TRIO: variants seen among roughly 807,000 people sequenced by gnomAD.
TRIO encodes triple functional domain protein.
In TRIO, 58 loss-of-function variants were observed where a neutral mutation model predicts 351.9. The observed-to-expected ratio is 0.16, with a 90% CI of 0.13 to 0.21. TRIO has a LOEUF of 0.21. TRIO is among the 10% of genes least tolerant of loss of function. TRIO has a pLI of 1.00. For missense variants in TRIO, 3,201 were observed against 4,027.8 expected, an observed-to-expected ratio of 0.79 and a Z score of 5.56; for synonymous variants, 1,758 against 1,595.7, an observed-to-expected ratio of 1.10 and a Z score of -2.42.
intron 21 of TRIO, among the ~76,000 whole-genome samples, chr5:14,383,792 G>T (rs1330595660): frequency 6.6e-6 from 1 of 152,150 alleles, no homozygotes; most frequent in Admixed American, 6.5e-5. Flanking sequence ...GATGTCCTTT[G>T]ATTTTTCATC....
chr5:14,422,006 A>G (rs1445606748), intron 34 of TRIO, among the ~76,000 whole-genome samples: 2 of 152,216 alleles, frequency 1.3e-5, no homozygotes, highest in Non-Finnish European at 2.9e-5. Flanking sequence ...ACGACTGGAA[A>G]GACATTGGCA....
intron 33 of TRIO, among the ~76,000 whole-genome samples, chr5:14,416,047 G>A (rs1026952300): frequency 2.6e-5 from 4 of 151,514 alleles, no homozygotes; most frequent in Non-Finnish European, 4.4e-5. Flanking sequence ...TAGAAGCAAC[G>A]AAGATACTGT....
At chr5:14,450,568 C>G (rs1161559968) in intron 34 of TRIO, among the ~76,000 whole-genome samples, 1 of 152,148 alleles carries the variant, frequency 6.6e-6, no homozygotes, top group Non-Finnish European at 1.5e-5. Flanking sequence ...GGGAATTTAA[C>G]TTTCTCCTTC....
At chr5:14,255,775 C>G (rs781446770) in intron 1 of TRIO, among the ~76,000 whole-genome samples, 4 of 152,194 alleles carry the variant, frequency 2.6e-5, no homozygotes, top group Non-Finnish European at 5.9e-5. Flanking sequence ...TTGATTGAGA[C>G]CTGTCACATT....
intron 1 of TRIO, among the ~76,000 whole-genome samples, chr5:14,182,747 C>A (rs1231736367): frequency 6.6e-6 from 1 of 152,156 alleles, no homozygotes. Context: ...CCCTTAATTT[C>A]TCCTGACAGG....
At chr5:14,397,394 A>G (rs1401419033) in intron 29 of TRIO, 5 of 417,662 alleles carry the variant, frequency 1.2e-5, no homozygotes, top group Non-Finnish European at 2.2e-5. Flanking sequence ...CTGGACTCCA[A>G]TAGCACTTTG....
At chr5:14,365,848 A>G (rs1744549255) in intron 15 of TRIO, among the ~76,000 whole-genome samples, 1 of 152,148 alleles carries the variant, frequency 6.6e-6, no homozygotes, top group Non-Finnish European at 1.5e-5. Flanking sequence ...TGGCTGTTGT[A>G]GCTCCAGCCA....
intron 1 of TRIO, among the ~76,000 whole-genome samples, chr5:14,154,852 T>C (rs1007518641): frequency 6.6e-6 from 1 of 152,200 alleles, no homozygotes; most frequent in African/African-American, 2.4e-5. Context: ...TTCCTCCTAG[T>C]TTGCCCTAGG....
intron 1 of TRIO, among the ~76,000 whole-genome samples, chr5:14,258,108 C>T (rs548145493): frequency 5.3e-5 from 8 of 152,324 alleles, no homozygotes; most frequent in African/African-American, 1.2e-4. Context: ...CACAAAATTT[C>T]GTTTTGAGTT....
intron 33 of TRIO, among the ~76,000 whole-genome samples, chr5:14,409,164 C>A (rs1446611967): frequency 1.7e-4 from 26 of 152,146 alleles, no homozygotes. Flanking sequence ...CCCAGCACAG[C>A]CCTGGCCCCT....
chr5:14,232,451 C>T (rs1793500413), intron 1 of TRIO, among the ~76,000 whole-genome samples: 1 of 152,182 alleles, frequency 6.6e-6, no homozygotes, highest in Admixed American at 6.5e-5. Context: ...CTATAACGCT[C>T]AGCTTTATAC....
At chr5:14,490,058 C>G (rs573476763) in intron 48 of TRIO, among the ~76,000 whole-genome samples, 2 of 152,316 alleles carry the variant, frequency 1.3e-5, no homozygotes, top group African/African-American at 4.8e-5. Context: ...ACGGGCAGAT[C>G]ACAAGGTCAG....
chr5:14,156,522 G>T (rs981214785), intron 1 of TRIO, among the ~76,000 whole-genome samples: 2 of 152,108 alleles, frequency 1.3e-5, no homozygotes, highest in African/African-American at 4.8e-5. Flanking sequence ...CATATGTTTA[G>T]ACTCAGTGTG....
chr5:14,304,430 G>A (rs780607003), intron 7 of TRIO, 31 bp from the exon 8 acceptor site: 18 of 1,587,452 alleles, frequency 1.1e-5, no homozygotes, highest in Non-Finnish European at 1.5e-5. Flanking sequence ...AATTGTCATT[G>A]ATAGAAATAA....
At chr5:14,215,305 C>T (rs544629401) in intron 1 of TRIO, among the ~76,000 whole-genome samples, 6 of 152,290 alleles carry the variant, frequency 3.9e-5, no homozygotes, top group East Asian at 1.9e-4. Flanking sequence ...CTTTCACAAA[C>T]GTTCTTTTGT....
At chr5:14,294,010 TA>T (rs113119352) in intron 6 of TRIO, among the ~76,000 whole-genome samples, 33 of 59,830 alleles carry the variant, frequency 5.5e-4, no homozygotes, top group East Asian at 2.6e-3. Flanking sequence ...ACCCCATCTC[TA>T]AAAAAAAAAA....
intron 7 of TRIO, among the ~76,000 whole-genome samples, chr5:14,302,496 A>G (rs1471778096): frequency 6.6e-6 from 1 of 152,230 alleles, no homozygotes; most frequent in Non-Finnish European, 1.5e-5. Flanking sequence ...AAATACTGAC[A>G]ATCATCTGAC....
At chr5:14,313,585 C>G (rs1264489125) in intron 8 of TRIO, among the ~76,000 whole-genome samples, 1 of 151,144 alleles carries the variant, frequency 6.6e-6, no homozygotes, top group Non-Finnish European at 1.5e-5. Context: ...TGGCTTTCTC[C>G]CTGTGTAAAA....
chr5:14,216,587 G>C (rs375341986), intron 1 of TRIO, among the ~76,000 whole-genome samples: 2 of 152,194 alleles, frequency 1.3e-5, no homozygotes, highest in South Asian at 4.1e-4. Flanking sequence ...TCAAGGTGTC[G>C]TATTTCAGTG....
Sources: allele counts gnomAD v4.1 joint callset (sites outside exome capture counted in the v4.1 genomes callset), GRCh38; gene constraint gnomAD v4.1.1; transcripts MANE v1.5; gene names NCBI Gene and HGNC (gene_info 2026-07-23, HGNC 2026-07-21).